SEM1: variants seen among roughly 807,000 people sequenced by gnomAD.
The protein encoded by SEM1 is 26S proteasome complex subunit SEM1.
Under a neutral mutation model 12.7 loss-of-function variants are expected in SEM1, and 3 were observed. That is an observed-to-expected ratio of 0.24 (90% confidence interval 0.11 to 0.61). The LOEUF is 0.61. SEM1 is among the 20% of genes least tolerant of loss of function. The probability of loss-of-function intolerance (pLI) is 0.88; values close to 1 mark genes in which losing one functional copy is unlikely to be tolerated. For synonymous variants in SEM1, 30 were observed against 27.8 expected (o/e 1.08, Z -0.25); for missense variants, 59 against 81.3 (o/e 0.73, Z 1.06).
At chr7:96,627,249 T>G (rs1184306508) in intron 2 of SEM1, among the ~76,000 whole-genome samples, 1 of 152,036 alleles carries the variant, frequency 6.6e-6, no homozygotes, top group Non-Finnish European at 1.5e-5. Flanking sequence ...TTCCTTCTTT[T>G]TTATTTCATT....
intron 2 of SEM1, among the ~76,000 whole-genome samples, chr7:96,584,586 C>T (rs1221450687): frequency 6.6e-6 from 1 of 151,644 alleles, no homozygotes; most frequent in Non-Finnish European, 1.5e-5. Flanking sequence ...TCCATTCTCC[C>T]CGTCACTTTC....
At chr7:96,557,356 C>G (rs866006855) in intron 2 of SEM1, among the ~76,000 whole-genome samples, 1,433 of 139,644 alleles carry the variant, frequency 0.01, 33 homozygotes, top group African/African-American at 0.035. Flanking sequence ...TGGTGATGTA[C>G]AGATGGGTTT....
chr7:96,490,768 G>A (rs760027279), intron 1 of SEM1, among the ~76,000 whole-genome samples: 2 of 152,012 alleles, frequency 1.3e-5, no homozygotes, highest in African/African-American at 2.4e-5. Context: ...AGCGAGAGAG[G>A]CTTATTTTGG....
At chr7:96,559,239 A>G (rs182890873) in intron 2 of SEM1, among the ~76,000 whole-genome samples, 4 of 152,254 alleles carry the variant, frequency 2.6e-5, no homozygotes, top group Admixed American at 2.6e-4. Flanking sequence ...AGAGATATAT[A>G]TTTGCATATT....
intron 1 of SEM1, among the ~76,000 whole-genome samples, chr7:96,486,915 C>G (rs1802793195): frequency 6.6e-6 from 1 of 152,154 alleles, no homozygotes; most frequent in Admixed American, 6.5e-5. Context: ...AGGGAGGCCC[C>G]TGAAAAGCAC....
chr7:96,566,291 A>G (rs1006259420), intron 2 of SEM1, among the ~76,000 whole-genome samples: 4 of 151,702 alleles, frequency 2.6e-5, no homozygotes, highest in African/African-American at 9.7e-5. Context: ...TGCAAATACA[A>G]TCATACAGGC....
intron 2 of SEM1, among the ~76,000 whole-genome samples, chr7:96,681,108 G>A (rs1441783422): frequency 6.6e-6 from 1 of 152,072 alleles, no homozygotes; most frequent in Non-Finnish European, 1.5e-5. Context: ...CTTTTTGCTT[G>A]GGTGATATAT....
intron 2 of SEM1, among the ~76,000 whole-genome samples, chr7:96,562,984 A>G (rs1190101556): frequency 6.6e-6 from 1 of 152,206 alleles, no homozygotes; most frequent in Non-Finnish European, 1.5e-5. Flanking sequence ...TTGGAAGATG[A>G]TAAGATGTGA....
intron 2 of SEM1, among the ~76,000 whole-genome samples, chr7:96,570,586 G>T (rs1316735913): frequency 1.3e-5 from 2 of 152,084 alleles, no homozygotes; most frequent in African/African-American, 4.8e-5. Context: ...TCTTTATCCA[G>T]TCTATCGTTG....
At chr7:96,505,169 C>T (rs1263268904) in intron 3 of SEM1, among the ~76,000 whole-genome samples, 1 of 151,992 alleles carries the variant, frequency 6.6e-6, no homozygotes, top group Non-Finnish European at 1.5e-5. Context: ...GTGGTGCCAT[C>T]TCAGCTCACT....
At chr7:96,655,889 T>C (rs1809165607) in intron 2 of SEM1, among the ~76,000 whole-genome samples, 2 of 152,232 alleles carry the variant, frequency 1.3e-5, no homozygotes, top group Non-Finnish European at 2.9e-5. Flanking sequence ...GGACTAGAGA[T>C]ACAACTTTTA....
chr7:96,689,214 T>C (rs942074420), intron 2 of SEM1, among the ~76,000 whole-genome samples: 7 of 152,130 alleles, frequency 4.6e-5, no homozygotes, highest in South Asian at 2.1e-4. Context: ...TTCTTATAAG[T>C]CTATTTGTGG....
intron 2 of SEM1, among the ~76,000 whole-genome samples, chr7:96,564,104 AC>A (rs1340037307): frequency 1.3e-5 from 2 of 152,118 alleles, no homozygotes; most frequent in Non-Finnish European, 2.9e-5. Context: ...CTTTTCTTGA[AC>A]ATAGGAAAGT....
At chr7:96,579,507 G>A (rs1361485908) in intron 2 of SEM1, among the ~76,000 whole-genome samples, 1 of 152,148 alleles carries the variant, frequency 6.6e-6, no homozygotes, top group African/African-American at 2.4e-5. Context: ...ATCTACATAT[G>A]ATGACCAGAT....
At chr7:96,563,766 A>G (rs1805762696) in intron 2 of SEM1, among the ~76,000 whole-genome samples, 1 of 152,166 alleles carries the variant, frequency 6.6e-6, no homozygotes. Context: ...ATGGAGAAGG[A>G]AAAATGGAAA....
intron 2 of SEM1, among the ~76,000 whole-genome samples, chr7:96,651,432 A>G (rs1402911294): frequency 2.0e-5 from 3 of 150,850 alleles, no homozygotes; most frequent in African/African-American, 7.4e-5. Context: ...GAAAAAAAAA[A>G]TCCAAAGGCA....
At chr7:96,674,143 C>A (rs1338411792) in intron 2 of SEM1, among the ~76,000 whole-genome samples, 1 of 152,062 alleles carries the variant, frequency 6.6e-6, no homozygotes, top group Non-Finnish European at 1.5e-5. Context: ...AAATTATTTT[C>A]CTCATTATTT....
intron 2 of SEM1, among the ~76,000 whole-genome samples, chr7:96,677,479 A>G (rs546626113): frequency 1.3e-5 from 2 of 152,296 alleles, no homozygotes; most frequent in South Asian, 4.1e-4. Context: ...AGATATAGAT[A>G]TCATTTAGGG....
intron 2 of SEM1, among the ~76,000 whole-genome samples, chr7:96,625,751 C>CAGCA (rs1288836243): frequency 2.6e-5 from 4 of 152,170 alleles, no homozygotes; most frequent in African/African-American, 9.7e-5. Flanking sequence ...GAGTGTAGAA[C>CAGCA]AGCAGTTCTT....
Sources: gnomAD v4.1 joint callset for allele counts (sites outside exome capture counted in the v4.1 genomes callset) on GRCh38, gnomAD v4.1.1 for gene constraint, MANE v1.5 for transcripts, NCBI Gene and HGNC (gene_info 2026-07-23, HGNC 2026-07-21) for gene names.